INO80: variants seen among roughly 807,000 people sequenced by gnomAD.
INO80 encodes INO80 complex ATPase subunit, also known as chromatin-remodeling ATPase INO80.
A neutral mutation model predicts 203.4 loss-of-function variants in INO80; 20 were observed. The ratio of observed to expected loss-of-function variants is 0.10; its 90% CI spans 0.07 to 0.14. The LOEUF is 0.14. Ranked by LOEUF, INO80 falls within the 10% of genes least tolerant of loss-of-function variation. INO80 has a pLI of 1.00. For synonymous variants in INO80, 726 were observed against 685.2 expected, an observed-to-expected ratio of 1.06 and a Z score of -0.93; for missense variants, 1,419 against 1,914.4, an observed-to-expected ratio of 0.74 and a Z score of 4.83.
chr15:40,986,951 TG>T (rs1223726991), intron 31 of INO80, 139 bp downstream of exon 31: 1 of 547,136 alleles, frequency 1.8e-6, no homozygotes, highest in Admixed American at 3.0e-5. Context: ...CATTCTTGTT[TG>T]GGTTTTTATA....
chr15:41,046,842 T>G (rs536600066), intron 23 of INO80, among the ~76,000 whole-genome samples: 1 of 152,030 alleles, frequency 6.6e-6, no homozygotes, highest in South Asian at 2.1e-4. Flanking sequence ...GGTCTTGAAC[T>G]CCTGACCTTA....
At chr15:41,013,650 G>C (rs1009248460) in intron 27 of INO80, among the ~76,000 whole-genome samples, 1 of 152,164 alleles carries the variant, frequency 6.6e-6, no homozygotes, top group African/African-American at 2.4e-5. Context: ...TGGTTCATTT[G>C]AGTGGGTAAT....
intron 11 of INO80, among the ~76,000 whole-genome samples, chr15:41,072,965 G>A (rs967301114): frequency 1.7e-4 from 26 of 152,008 alleles, no homozygotes; most frequent in African/African-American, 6.0e-4. Context: ...TATTTTAGTA[G>A]AGATGGGGTT....
intron 17 of INO80, 34 bp downstream of exon 17, chr15:41,056,588 A>T (rs184636354): frequency 6.9e-7 from 1 of 1,458,488 alleles, no homozygotes; most frequent in African/African-American, 1.4e-5. Flanking sequence ...CTGTTTTATG[A>T]AGATATAAAC....
At chr15:41,075,788 C>T (rs1036216620) in intron 9 of INO80, among the ~76,000 whole-genome samples, 2 of 151,824 alleles carry the variant, frequency 1.3e-5, no homozygotes, top group African/African-American at 4.8e-5. Flanking sequence ...AGACGGGTTT[C>T]ACCATATTGA....
At chr15:41,033,355 T>G (rs75577518) in intron 24 of INO80, among the ~76,000 whole-genome samples, 3 of 147,402 alleles carry the variant, frequency 2.0e-5, no homozygotes, top group Admixed American at 6.7e-5. Context: ...TTTTTTTTTT[T>G]GGAGACACAA....
At chr15:41,113,680 T>A (rs1211996504) in intron 1 of INO80, among the ~76,000 whole-genome samples, 1 of 152,152 alleles carries the variant, frequency 6.6e-6, no homozygotes, top group African/African-American at 2.4e-5. Flanking sequence ...GGCACAATCA[T>A]AGCTCACTAG....
rs371275735 is a variant in INO80 at position 41,014,799 on chromosome 15, TG to T, written c.3402+1288del. On this transcript the variant is annotated intron_variant, in intron 27 of 35. Coordinates refer to ENST00000648947, the MANE Select transcript of INO80 (RefSeq NM_017553.3). ...ATTGCAAAATTCAACAAGCCAATCT[TG>T]GCTTCCAAAAAGCCTGAAAACCCTC... Among the ~76,000 whole-genome samples the T allele has an allele frequency of 2.5e-3, 383 of 152,332 alleles. 1 individual carries two copies. Among genetic ancestry groups the T allele is most frequent in the African/African-American group, 8.6e-3 (358 of 41,580 alleles).
intron 25 of INO80, 145 bp downstream of exon 25, chr15:41,027,451 G>T: frequency 1.5e-6 from 1 of 672,736 alleles, no homozygotes; most frequent in Non-Finnish European, 2.4e-6. Flanking sequence ...AATCACAAAT[G>T]CCCACATTTT....
intron 25 of INO80, chr15:41,024,388 A>T (rs919100839): frequency 6.6e-6 from 1 of 152,152 alleles, no homozygotes. Context: ...TATTCTGCTA[A>T]CCCCAAGTGA....
At chr15:41,055,528 G>T (rs2044967210) in intron 17 of INO80, among the ~76,000 whole-genome samples, 164 bp from the exon 18 acceptor site, 1 of 152,196 alleles carries the variant, frequency 6.6e-6, no homozygotes, top group South Asian at 2.1e-4. Flanking sequence ...CTACATTCTT[G>T]CCTCATCAAC....
chr15:41,058,031 G>A (rs766362789), intron 16 of INO80, among the ~76,000 whole-genome samples: 1 of 152,050 alleles, frequency 6.6e-6, no homozygotes, highest in African/African-American at 2.4e-5. Context: ...AGAATAAAAG[G>A]ATTCTTGGAG....
At chr15:41,027,482 T>C (rs1394710386) in intron 25 of INO80, 114 bp downstream of exon 25, 1 of 902,222 alleles carries the variant, frequency 1.1e-6, no homozygotes, top group Non-Finnish European at 1.6e-6. Flanking sequence ...AATTTATATG[T>C]TTCTTAAAGT....
chr15:41,090,386 G>A (rs1215368592), intron 5 of INO80, among the ~76,000 whole-genome samples: 2 of 152,150 alleles, frequency 1.3e-5, no homozygotes, highest in East Asian at 3.9e-4. Flanking sequence ...GACCAACCTG[G>A]CCAACATGGT....
At chr15:41,050,857 G>T (rs1452156152) in intron 19 of INO80, among the ~76,000 whole-genome samples, 3 of 152,126 alleles carry the variant, frequency 2.0e-5, no homozygotes, top group African/African-American at 7.2e-5. Context: ...AATCAGGCCG[G>T]ACGCAGTGGC....
intron 1 of INO80, among the ~76,000 whole-genome samples, chr15:41,104,206 C>CA (rs35510472): frequency 0.035 from 1,371 of 39,298 alleles, 16 homozygotes; most frequent in East Asian, 0.069. Flanking sequence ...AACTCCATCT[C>CA]AAAAAAAAAA....
At position 41,005,525 on chromosome 15, in the gene INO80, A is replaced by C. The variant is rs960374070; in HGVS notation, c.3497+68T>G. ...ATGTCCTGGCATTTAAAAAAAAAAA[A>C]AAACTTACCATTTCAAGCACTAGAG... On this transcript the variant is annotated intron_variant, in intron 28 of 35. Transcript: ENST00000648947. 97 of 786,526 alleles carry C rather than the reference A, an allele frequency of 1.2e-4. 1 individual carries two copies. The highest frequency in any genetic ancestry group is 1.2e-3 in the Middle Eastern group (5 of 4,244). The allele number at this position is 786,526 out of a possible 1,614,324, so 48.7% of individuals were successfully genotyped here.
In INO80 at chr15:41,027,375, C is replaced by T. The variant is rs542544493; in HGVS notation, c.3048+221G>A. On this transcript the variant is annotated intron_variant, in intron 25 of 35. Coordinates refer to ENST00000648947, the MANE Select transcript of INO80 (RefSeq NM_017553.3). ...CCCTGACTAAATAAAAAGAAGCTAT[C>T]GACCATACAACTATTCTTAAATCAA... Among the ~76,000 whole-genome samples the T allele has an allele frequency of 3.3e-5, 5 of 152,276 alleles. No individual in the cohort carries two copies. In the South Asian group the frequency reaches 6.2e-4, roughly 19 times the overall value.
At chr15:40,987,049 TCA>T in intron 31 of INO80, 40 bp downstream of exon 31, 5 of 1,156,668 alleles carry the variant, frequency 4.3e-6, no homozygotes, top group Non-Finnish European at 6.5e-6. Context: ...TCTTCCATTC[TCA>T]GATACGTGAG....
Sources: gnomAD v4.1 joint callset for allele counts (sites outside exome capture counted in the v4.1 genomes callset) on GRCh38, gnomAD v4.1.1 for gene constraint, MANE v1.5 for transcripts, NCBI Gene and HGNC (gene_info 2026-07-23, HGNC 2026-07-21) for gene names.